PABPC4L: variants seen among roughly 807,000 people sequenced by gnomAD.
PABPC4L encodes polyadenylate-binding protein 4-like.
For missense variants in PABPC4L, 452 were observed against 451.4 expected (o/e 1.00, Z -0.01); for synonymous variants, 169 against 164.1 (o/e 1.03, Z -0.23).
chr4:134,055,779 T>G, the PABPC4L span, among the ~76,000 whole-genome samples: 1 of 152,064 alleles, frequency 6.6e-6, no homozygotes, highest in East Asian at 1.9e-4. Flanking sequence ...ATCTTGTCTT[T>G]TCATCTTAAT....
chr4:134,139,715 A>T, the PABPC4L span, among the ~76,000 whole-genome samples: 1 of 150,390 alleles, frequency 6.6e-6, no homozygotes, highest in African/African-American at 2.5e-5. Flanking sequence ...TTTTGGAGAG[A>T]CAACACTTTG....
chr4:134,058,272 TTTG>T, the PABPC4L span, among the ~76,000 whole-genome samples: 2 of 152,080 alleles, frequency 1.3e-5, no homozygotes, highest in Non-Finnish European at 1.5e-5. Flanking sequence ...GAAAAATAGA[TTTG>T]TTGTTTTTCC....
At chr4:134,160,148 G>A in the PABPC4L span, among the ~76,000 whole-genome samples, 4 of 152,168 alleles carry the variant, frequency 2.6e-5, no homozygotes, top group South Asian at 8.3e-4. Context: ...CTTGGGCAAG[G>A]TTTAGTACCA....
chr4:134,006,819 A>T, the PABPC4L span, among the ~76,000 whole-genome samples: 1 of 151,966 alleles, frequency 6.6e-6, no homozygotes, highest in East Asian at 1.9e-4. Context: ...ACTCGTATGG[A>T]GAAATTTTAT....
At chr4:134,158,588 A>G in the PABPC4L span, among the ~76,000 whole-genome samples, 1 of 152,158 alleles carries the variant, frequency 6.6e-6, no homozygotes, top group Admixed American at 6.5e-5. Context: ...AAGGCTGAAT[A>G]TCAGTCTTAT....
chr4:133,993,035 T>G, the PABPC4L span, among the ~76,000 whole-genome samples: 1 of 152,154 alleles, frequency 6.6e-6, no homozygotes, highest in Non-Finnish European at 1.5e-5. Flanking sequence ...GCATATCCTC[T>G]TTCCCATGTT....
the PABPC4L span, among the ~76,000 whole-genome samples, chr4:134,007,834 C>A: frequency 6.6e-6 from 1 of 151,562 alleles, no homozygotes; most frequent in Non-Finnish European, 1.5e-5. Context: ...TAGAATAATA[C>A]AAATATTTTA....
the PABPC4L span, among the ~76,000 whole-genome samples, chr4:133,989,863 AG>A: frequency 1.3e-5 from 2 of 152,210 alleles, no homozygotes; most frequent in Non-Finnish European, 2.9e-5. Flanking sequence ...AGGGCTGGGA[AG>A]GCCTCAGGAA....
At chr4:134,178,188 C>T in the PABPC4L span, among the ~76,000 whole-genome samples, 1 of 151,994 alleles carries the variant, frequency 6.6e-6, no homozygotes, top group Non-Finnish European at 1.5e-5. Context: ...TGTTCGCTAA[C>T]TCAGGCCCCT....
At chr4:134,182,311 A>T in the PABPC4L span, among the ~76,000 whole-genome samples, 100 of 152,042 alleles carry the variant, frequency 6.6e-4, no homozygotes, top group African/African-American at 2.3e-3. Flanking sequence ...AATACCACAC[A>T]CTTACAACCA....
the PABPC4L span, among the ~76,000 whole-genome samples, chr4:134,065,900 T>G: frequency 6.6e-6 from 1 of 152,120 alleles, no homozygotes; most frequent in African/African-American, 2.4e-5. Flanking sequence ...TTTGTCTATC[T>G]TGTTGAATAT....
the PABPC4L span, among the ~76,000 whole-genome samples, chr4:133,955,830 C>T: frequency 0.3 from 46,302 of 151,928 alleles, 10,891 homozygotes; most frequent in African/African-American, 0.62. Flanking sequence ...ATGACTGTAT[C>T]AAAATATATG....
At chr4:134,144,527 G>C in the PABPC4L span, among the ~76,000 whole-genome samples, 1 of 141,216 alleles carries the variant, frequency 7.1e-6, no homozygotes, top group Admixed American at 7.2e-5. Flanking sequence ...CAGGGACACA[G>C]AAAAAAATAA....
chr4:134,046,855 G>T, the PABPC4L span, among the ~76,000 whole-genome samples: 2 of 152,142 alleles, frequency 1.3e-5, no homozygotes, highest in African/African-American at 4.8e-5. Flanking sequence ...ACAGGGTTGG[G>T]GCTAAAGTTA....
At chr4:134,186,387 A>G in the PABPC4L span, among the ~76,000 whole-genome samples, 1 of 152,166 alleles carries the variant, frequency 6.6e-6, no homozygotes, top group African/African-American at 2.4e-5. Flanking sequence ...ATAATACCAC[A>G]CACATCCACA....
At chr4:134,184,181 G>A in the PABPC4L span, among the ~76,000 whole-genome samples, 1 of 151,844 alleles carries the variant, frequency 6.6e-6, no homozygotes, top group Non-Finnish European at 1.5e-5. Flanking sequence ...CCCAAACATA[G>A]AACAAATAGG....
the PABPC4L span, among the ~76,000 whole-genome samples, chr4:134,113,017 G>C: frequency 6.6e-6 from 1 of 151,648 alleles, no homozygotes; most frequent in Non-Finnish European, 1.5e-5. Context: ...TAACAAAAAA[G>C]TTTAAAAACA....
At chr4:134,142,059 A>T in the PABPC4L span, among the ~76,000 whole-genome samples, 2 of 151,738 alleles carry the variant, frequency 1.3e-5, no homozygotes, top group South Asian at 4.1e-4. Flanking sequence ...AAAAAAAGTG[A>T]ATTTCTAATA....
chr4:134,045,621 A>T, the PABPC4L span, among the ~76,000 whole-genome samples: 1 of 152,138 alleles, frequency 6.6e-6, no homozygotes, highest in Non-Finnish European at 1.5e-5. Flanking sequence ...GCGTGGGTCT[A>T]AATTCCAAGT....
Sources: gnomAD v4.1 joint callset for allele counts (sites outside exome capture counted in the v4.1 genomes callset) on GRCh38, gnomAD v4.1.1 for gene constraint, MANE v1.5 for transcripts, NCBI Gene and HGNC (gene_info 2026-07-23, HGNC 2026-07-21) for gene names.